PCDHA3: variants seen among roughly 807,000 people sequenced by gnomAD.
PCDHA3 encodes protocadherin alpha-3.
A neutral mutation model predicts 62.2 loss-of-function variants in PCDHA3; 41 were observed. The ratio of observed to expected loss-of-function variants is 0.66; its 90% CI spans 0.51 to 0.86. The LOEUF (loss-of-function observed/expected upper bound fraction) is 0.86. Among genes scored for constraint, PCDHA3 ranks in the 40% least tolerant of loss-of-function variants. PCDHA3 has a pLI of 0.00. For missense variants in PCDHA3, 1,304 were observed against 1,241.2 expected, an observed-to-expected ratio of 1.05 and a Z score of -0.76; for synonymous variants, 640 against 555.4, an observed-to-expected ratio of 1.15 and a Z score of -2.14.
At chr5:140,996,831 T>C (rs1196344709) in intron 3 of PCDHA3, among the ~76,000 whole-genome samples, 1 of 152,204 alleles carries the variant, frequency 6.6e-6, no homozygotes, top group Non-Finnish European at 1.5e-5. Flanking sequence ...CTACCAATAA[T>C]TTAGCGTGCA....
intron 1 of PCDHA3, among the ~76,000 whole-genome samples, chr5:140,806,619 C>T (rs1581678216): frequency 6.8e-6 from 1 of 147,344 alleles, no homozygotes; most frequent in African/African-American, 2.5e-5. Context: ...CTCAAGTCAA[C>T]AACACCAGAA....
In PCDHA3 at chr5:140,823,505, GCGAGCTGGTGC is replaced by G. The variant is rs2150126511; in HGVS notation, c.2394+19919_2394+19929del. ...GTGGGTGGCACCGGCGGCGCAGTGA[GCGAGCTGGTGC>G]CGAGGTCAGTGGGTGCGGGCCACGT... On this transcript the variant is annotated intron_variant, in intron 1 of 3. Coordinates refer to ENST00000522353, the MANE Select transcript of PCDHA3 (RefSeq NM_018906.3). 4.3e-5 allele frequency: 70 copies of G among 1,613,446 alleles called. 2 individuals are homozygous for G. The Middle Eastern group carries it at 1.0e-3, about 23-fold the overall frequency.
chr5:140,875,921 C>G, intron 1 of PCDHA3: 1 of 1,614,228 alleles, frequency 6.2e-7, no homozygotes. Flanking sequence ...CCTCTGGACT[C>G]TCATTTTCCT....
intron 1 of PCDHA3, among the ~76,000 whole-genome samples, chr5:140,895,848 G>C (rs147299280): frequency 2.2e-3 from 342 of 152,098 alleles, no homozygotes; most frequent in African/African-American, 8.1e-3. Context: ...TCTCACTCTT[G>C]TACCCCAGGC....
At chr5:140,924,725 C>G (rs1015635507) in intron 1 of PCDHA3, among the ~76,000 whole-genome samples, 1 of 151,698 alleles carries the variant, frequency 6.6e-6, no homozygotes, top group East Asian at 1.9e-4. Context: ...CGAAACCTCA[C>G]CTCTAATAAA....
At chr5:140,925,866 G>A (rs952823745) in intron 1 of PCDHA3, among the ~76,000 whole-genome samples, 2 of 152,002 alleles carry the variant, frequency 1.3e-5, no homozygotes, top group Admixed American at 1.3e-4. Flanking sequence ...TATTGCTATT[G>A]ACTGGTTTAT....
chr5:140,926,629 G>A, intron 1 of PCDHA3: 1 of 406,364 alleles, frequency 2.5e-6, no homozygotes, highest in African/African-American at 2.1e-5. Context: ...GCGGCGCTGC[G>A]CTCCTCAACA....
At position 140,971,724 on chromosome 5, in the gene PCDHA3, C is replaced by T. The variant is rs1489489083; in HGVS notation, c.2395-7225C>T. On this transcript the variant is annotated intron_variant, in intron 1 of 3. Coordinates refer to ENST00000522353, the MANE Select transcript of PCDHA3 (RefSeq NM_018906.3). ...CCCTGCTATATAGATATATGTATAT[C>T]ATACATATACACATACATATATCTC... 2.0e-5 allele frequency among the ~76,000 whole-genome samples: 3 copies of T among 151,776 alleles called. No homozygotes were observed. The East Asian group carries it at 5.8e-4, about 29-fold the overall frequency.
At chr5:140,810,808 T>C (rs530061594) in intron 1 of PCDHA3, 17 of 152,258 alleles carry the variant, frequency 1.1e-4, no homozygotes, top group Admixed American at 9.1e-4. Context: ...TTTTTAATTC[T>C]TTTTTGTCTT....
intron 1 of PCDHA3, chr5:140,825,159 C>T (rs2150138448): frequency 9.9e-5 from 15 of 151,540 alleles, no homozygotes; most frequent in Admixed American, 4.6e-4. Context: ...TTTAATCTTG[C>T]TTTTTTCATT....
At chr5:141,007,980 A>G (rs533342900) in intron 3 of PCDHA3, among the ~76,000 whole-genome samples, 1 of 152,338 alleles carries the variant, frequency 6.6e-6, no homozygotes, top group East Asian at 1.9e-4. Context: ...TGTCATGTAT[A>G]TATGAAATGT....
intron 3 of PCDHA3, among the ~76,000 whole-genome samples, chr5:141,007,315 C>A (rs1207897662): frequency 1.3e-5 from 2 of 148,308 alleles, no homozygotes; most frequent in Admixed American, 1.4e-4. Flanking sequence ...TTTTGGGAGG[C>A]TAAAGTGGAC....
chr5:141,009,709 C>T lies in PCDHA3; in HGVS notation c.2625C>T (p.Asn875=). The part of the protein sequence containing the change: ...NSWTFKYGPG[N]PKQSGPGELP... ...GGACCTTTAAATACGGACCAGGCAA[C>T]CCCAAACAATCCGGTCCCGGTGAGT... The change falls in exon 4 of 4, where the codon AAC becomes AAT. Residue 875 remains asparagine (N), a synonymous_variant. Coordinates refer to ENST00000522353, the MANE Select transcript of PCDHA3 (RefSeq NM_018906.3). 1 of 1,614,118 alleles carries T rather than the reference C, an allele frequency of 6.2e-7. No homozygotes were observed. Among genetic ancestry groups the T allele is most frequent in the Non-Finnish European group, 8.5e-7 (1 of 1,180,024 alleles).
At chr5:140,928,115 T>A (rs2084949063) in intron 1 of PCDHA3, 1 of 1,614,164 alleles carries the variant, frequency 6.2e-7, no homozygotes, top group East Asian at 2.2e-5. Flanking sequence ...CGGGAGCAGA[T>A]CAGTGAATAC....
At chr5:140,871,289 G>A (rs955449203) in intron 1 of PCDHA3, 1 of 1,613,792 alleles carries the variant, frequency 6.2e-7, no homozygotes, top group African/African-American at 1.3e-5. Context: ...CCCACTGAGG[G>A]CGCGTGCGCG....
At position 140,803,486 on chromosome 5, in the gene PCDHA3, G is replaced by T. The variant is rs1038889316; in HGVS notation, c.2289G>T (p.Gly763=). The T allele has an allele frequency of 1.9e-6, 3 of 1,614,260 alleles. No homozygotes were observed. The highest frequency in any genetic ancestry group is 2.5e-6 in the Non-Finnish European group (3 of 1,180,042). ...QRQQRVCSGE[G]LPKTDLMAFS... is the part of the protein sequence containing the mutation. ...AGCAGAGGGTGTGCTCTGGAGAGGG[G>T]TTGCCCAAGACCGACCTCATGGCTT... Residue 763 remains glycine, a synonymous_variant, in exon 1 of 4, where the codon GGG becomes GGT. Transcript: ENST00000522353.
At chr5:140,881,638 A>G (rs1237929257) in intron 1 of PCDHA3, among the ~76,000 whole-genome samples, 1 of 152,214 alleles carries the variant, frequency 6.6e-6, no homozygotes, top group Non-Finnish European at 1.5e-5. Context: ...TCAGTTACCA[A>G]TATTTTTCAC....
intron 1 of PCDHA3, among the ~76,000 whole-genome samples, chr5:140,961,096 G>A (rs1040764862): frequency 3.9e-5 from 6 of 152,222 alleles, no homozygotes; most frequent in Admixed American, 3.3e-4. Flanking sequence ...TGACTTTTTG[G>A]TCACCCAACC....
At chr5:140,926,752 C>G in intron 1 of PCDHA3, 2 of 1,254,462 alleles carry the variant, frequency 1.6e-6, no homozygotes, top group East Asian at 5.7e-5. Flanking sequence ...CGTCGGCGGT[C>G]GCTGAGTATC....
Sources: allele counts gnomAD v4.1 joint callset (sites outside exome capture counted in the v4.1 genomes callset), GRCh38; gene constraint gnomAD v4.1.1; transcripts MANE v1.5; gene names NCBI Gene and HGNC (gene_info 2026-07-23, HGNC 2026-07-21).